EFCAB8: variants seen among roughly 807,000 people sequenced by gnomAD.
EFCAB8 encodes EF-hand calcium-binding domain-containing protein 8.
EFCAB8 carries 100 observed loss-of-function variants against 116.3 expected under a neutral mutation model. The observed-to-expected ratio is 0.86, with a 90% CI of 0.73 to 1.02. The LOEUF (loss-of-function observed/expected upper bound fraction) is 1.02. Ranked by LOEUF, EFCAB8 falls within the 50% of genes least tolerant of loss-of-function variation. EFCAB8 has a pLI of 0.00. For missense variants in EFCAB8, 1,320 were observed against 1,416.9 expected (o/e 0.93, Z 1.10); for synonymous variants, 558 against 567.9 (o/e 0.98, Z 0.25).
At chr20:32,876,091 G>T (rs1370164057) in intron 4 of EFCAB8, 47 bp downstream of exon 4, 8 of 1,499,400 alleles carry the variant, frequency 5.3e-6, no homozygotes, top group Non-Finnish European at 7.3e-6. Flanking sequence ...GGAGGCTGGA[G>T]GGTCCAGTCC....
At chr20:32,881,928 C>G (rs1034945358) in intron 5 of EFCAB8, among the ~76,000 whole-genome samples, 27 of 152,184 alleles carry the variant, frequency 1.8e-4, no homozygotes, top group Admixed American at 4.6e-4. Context: ...TTATCCCTGC[C>G]CAGGCATGGT....
At chr20:32,885,922 CAGGTTT>C (rs1383651095) in intron 6 of EFCAB8, among the ~76,000 whole-genome samples, 1 of 152,240 alleles carries the variant, frequency 6.6e-6, no homozygotes, top group African/African-American at 2.4e-5. Flanking sequence ...CCCTGCCCAC[CAGGTTT>C]CCTTCTCTTG....
chr20:32,866,576 C>T (rs1342846182), intron 2 of EFCAB8, among the ~76,000 whole-genome samples: 2 of 151,808 alleles, frequency 1.3e-5, no homozygotes, highest in Non-Finnish European at 2.9e-5. Flanking sequence ...TGAGGGAGAA[C>T]CCCCAGTGGA....
intron 23 of EFCAB8, among the ~76,000 whole-genome samples, chr20:32,952,456 A>G (rs1341356550): frequency 1.3e-5 from 2 of 152,176 alleles, no homozygotes; most frequent in East Asian, 3.8e-4. Context: ...CAAAATTTAA[A>G]TTTTGCATGG....
At chr20:32,868,641 G>T (rs1460506296) in intron 3 of EFCAB8, among the ~76,000 whole-genome samples, 1 of 152,106 alleles carries the variant, frequency 6.6e-6, no homozygotes, top group African/African-American at 2.4e-5. Flanking sequence ...CAGGAGTCTG[G>T]GCATGGCTTA....
chr20:32,947,838 G>A (rs549656881), intron 23 of EFCAB8, among the ~76,000 whole-genome samples: 5 of 151,248 alleles, frequency 3.3e-5, no homozygotes, highest in Non-Finnish European at 7.4e-5. Flanking sequence ...GAGGCAGGTG[G>A]GAGGATCATT....
At chr20:32,899,856 G>A (rs991885173) in intron 11 of EFCAB8, among the ~76,000 whole-genome samples, 3 of 152,098 alleles carry the variant, frequency 2.0e-5, no homozygotes, top group Non-Finnish European at 2.9e-5. Context: ...TTGCAGGCAC[G>A]AGCCACCGCG....
intron 7 of EFCAB8, 58 bp downstream of exon 7, chr20:32,889,464 G>C: frequency 1.3e-6 from 2 of 1,495,250 alleles, no homozygotes; most frequent in South Asian, 2.4e-5. Context: ...ATGCATTTGT[G>C]CCTGGGAGAA....
At chr20:32,920,580 C>T (rs1488862884) in intron 20 of EFCAB8, among the ~76,000 whole-genome samples, 6 of 152,110 alleles carry the variant, frequency 3.9e-5, no homozygotes, top group Non-Finnish European at 7.4e-5. Flanking sequence ...GCAGCAAAAG[C>T]GGAAACCCCT....
At chr20:32,955,032 C>T (rs1988920346) in intron 23 of EFCAB8, among the ~76,000 whole-genome samples, 1 of 152,124 alleles carries the variant, frequency 6.6e-6, no homozygotes, top group Non-Finnish European at 1.5e-5. Context: ...AGTAGAGTGG[C>T]CAATGGGAAT....
In EFCAB8 at chr20:32,893,159, T is replaced by G. The variant is rs760014516; in HGVS notation, c.759-15T>G. On this transcript the variant is annotated splice_polypyrimidine_tract_variant and intron_variant, in intron 8 of 26. Transcript: ENST00000400522. ...CCCAGCCCACACAACCTCTTCCGTC[T>G]CCATCTTTCTGCAGGTCTGACTATC... is the stretch of plus-strand genomic sequence containing the variant. 8.1e-5 allele frequency: 125 copies of G among 1,551,602 alleles called. No individual in the cohort carries two copies. The highest frequency in any genetic ancestry group is 1.1e-4 in the Non-Finnish European group (121 of 1,146,930).
At chr20:32,948,560 GAAAGAAAGAAAGAAAGA>G (rs1305890734) in intron 23 of EFCAB8, among the ~76,000 whole-genome samples, 4 of 145,058 alleles carry the variant, frequency 2.8e-5, no homozygotes, top group African/African-American at 1.1e-4. Context: ...AAGAAAGAAA[GAAAGAAAGAAAGAAAGA>G]AAGAAAAGAA....
In EFCAB8 at chr20:32,908,970, C is replaced by T. The variant is rs536554980; in HGVS notation, c.1446+558C>T. 9.2e-5 allele frequency among the ~76,000 whole-genome samples: 14 copies of T among 152,196 alleles called. No homozygotes were observed. The East Asian group carries it at 1.9e-3, about 21-fold the overall frequency. On this transcript the variant is annotated intron_variant, in intron 14 of 26. Transcript: ENST00000400522. Reference sequence around the variant, plus strand: ...AGGACAGGAAAGATTGGGACAAGCACGAGGGGCTTCCTGTGGAGGATGGGG... The same window carrying T: ...AGGACAGGAAAGATTGGGACAAGCATGAGGGGCTTCCTGTGGAGGATGGGG...
chr20:32,879,840 G>T (rs775524068), intron 5 of EFCAB8, among the ~76,000 whole-genome samples: 6 of 152,134 alleles, frequency 3.9e-5, no homozygotes, highest in Non-Finnish European at 8.8e-5. Flanking sequence ...TAGTTTAACA[G>T]ACTCAGTATG....
chr20:32,920,272 T>G, intron 20 of EFCAB8, 57 bp downstream of exon 20: 5 of 1,539,214 alleles, frequency 3.2e-6, no homozygotes, highest in Non-Finnish European at 4.4e-6. Context: ...CGGTCAGGAT[T>G]GGGTGGTCAG....
In EFCAB8 at chr20:32,858,938, G is replaced by C. The variant is rs1568891033; in HGVS notation, c.-79G>C. On this transcript the variant is annotated 5_prime_UTR_variant, in exon 1 of 27. Transcript: ENST00000400522. ...TGCCAATGTCTTTGTTGAGATGGGA[G>C]TTGGAAAGTGTTAGCACTTTGCCAG... is the stretch of plus-strand genomic sequence containing the variant. 1 of 470,514 alleles carries C rather than the reference G, an allele frequency of 2.1e-6. No individual in the cohort carries two copies. Among genetic ancestry groups the C allele is most frequent in the Non-Finnish European group, 4.4e-6 (1 of 226,706 alleles). 29.1% of individuals were successfully genotyped at this position (470,514 alleles called of 1,614,324 possible).
intron 20 of EFCAB8, among the ~76,000 whole-genome samples, chr20:32,922,959 G>A (rs1443894460): frequency 6.6e-6 from 1 of 152,168 alleles, no homozygotes; most frequent in Admixed American, 6.5e-5. Context: ...CAAAGTGGGA[G>A]GACTGCTTGA....
intron 11 of EFCAB8, among the ~76,000 whole-genome samples, 167 bp downstream of exon 11, chr20:32,898,790 T>C (rs1600399016): frequency 6.6e-6 from 1 of 152,152 alleles, no homozygotes; most frequent in Non-Finnish European, 1.5e-5. Flanking sequence ...GCAGCCTCTT[T>C]TATCTCCCAA....
chr20:32,909,625 C>T (rs770308990), intron 14 of EFCAB8, among the ~76,000 whole-genome samples, 196 bp from the exon 15 acceptor site: 3 of 151,418 alleles, frequency 2.0e-5, no homozygotes, highest in Non-Finnish European at 4.4e-5. Context: ...GGCTCAGTCT[C>T]GGGGAGCGGG....
Sources: gnomAD v4.1 joint callset for allele counts (sites outside exome capture counted in the v4.1 genomes callset) on GRCh38, gnomAD v4.1.1 for gene constraint, MANE v1.5 for transcripts, NCBI Gene and HGNC (gene_info 2026-07-23, HGNC 2026-07-21) for gene names.